The following PRKN variants were observed in gnomAD, a reference collection of about 807,000 sequenced individuals.
The protein encoded by PRKN is E3 ubiquitin-protein ligase parkin.
Under a neutral mutation model 59.5 loss-of-function variants are expected in PRKN, and 56 were observed. The observed-to-expected ratio is 0.94, with a 90% CI of 0.76 to 1.18. The LOEUF is 1.18. Among genes scored for constraint, PRKN ranks in the 50% most tolerant of loss-of-function variants. PRKN has a pLI of 0.00. For missense variants in PRKN, 657 were observed against 596.4 expected (o/e 1.10, Z -1.06); for synonymous variants, 250 against 222.1 (o/e 1.13, Z -1.12).
intron 2 of PRKN, among the ~76,000 whole-genome samples, chr6:162,374,630 T>C (rs959698961): frequency 1.3e-5 from 2 of 152,086 alleles, no homozygotes; most frequent in Non-Finnish European, 2.9e-5. Flanking sequence ...CTTTTAGCTA[T>C]TATTATTTTC....
chr6:162,562,139 T>G (rs945161413), intron 1 of PRKN, among the ~76,000 whole-genome samples: 4 of 152,096 alleles, frequency 2.6e-5, no homozygotes, highest in African/African-American at 9.7e-5. Flanking sequence ...GACTGAATTG[T>G]GAGGCCTCTG....
intron 4 of PRKN, among the ~76,000 whole-genome samples, chr6:162,128,442 T>A (rs1041139443): frequency 6.6e-6 from 1 of 152,076 alleles, no homozygotes; most frequent in African/African-American, 2.4e-5. Flanking sequence ...AACATCTAGA[T>A]CATAGTATGT....
At chr6:161,835,384 G>A (rs1015766752) in intron 6 of PRKN, among the ~76,000 whole-genome samples, 17 of 152,048 alleles carry the variant, frequency 1.1e-4, no homozygotes, top group Non-Finnish European at 1.8e-4. Context: ...CCTGGGAAAC[G>A]TGCTTACCCC....
intron 4 of PRKN, among the ~76,000 whole-genome samples, chr6:162,177,920 T>C (rs1053626078): frequency 6.6e-6 from 1 of 152,186 alleles, no homozygotes; most frequent in Non-Finnish European, 1.5e-5. Context: ...GTGTCCTTCA[T>C]TTCTCTTTGA....
chr6:162,532,040 G>A (rs36123943), intron 1 of PRKN, among the ~76,000 whole-genome samples: 66,427 of 151,610 alleles, frequency 0.44, 16,851 homozygotes, highest in Non-Finnish European at 0.58. Flanking sequence ...CTAAGGCAAC[G>A]ACAGGTTCTT....
rs1034666395 is a variant in PRKN at position 161,462,574 on chromosome 6, G to C, written c.1084-75697C>G. ...GAAATGACACCATGATGTCTGATCA[G>C]CAATATAGCTCACCCTTATTTTAAA... On this transcript the variant is annotated intron_variant, in intron 9 of 11. Coordinates refer to ENST00000366898, the MANE Select transcript of PRKN (RefSeq NM_004562.3). This position sits in a 1 kb window ranked among gnomAD's most constrained non-coding sequence, Gnocchi z 4.5. Among the ~76,000 whole-genome samples the C allele has an allele frequency of 6.6e-6, 1 of 152,088 alleles. No homozygotes were observed. Among genetic ancestry groups the C allele is most frequent in the Non-Finnish European group, 1.5e-5 (1 of 68,026 alleles).
intron 2 of PRKN, among the ~76,000 whole-genome samples, chr6:162,382,240 T>C (rs562097316): frequency 1.3e-5 from 2 of 150,828 alleles, no homozygotes; most frequent in Admixed American, 6.6e-5. Context: ...GCAAATAATA[T>C]TAATCTCACA....
chr6:161,641,752 A>C (rs931742076), intron 7 of PRKN, among the ~76,000 whole-genome samples: 18 of 152,204 alleles, frequency 1.2e-4, no homozygotes, highest in Non-Finnish European at 2.9e-5. Context: ...ATACTTTCAC[A>C]GCCCCAGGCA....
At chr6:161,662,729 C>A (rs1310559046) in intron 7 of PRKN, among the ~76,000 whole-genome samples, 1 of 151,986 alleles carries the variant, frequency 6.6e-6, no homozygotes, top group African/African-American at 2.4e-5. Context: ...TATCTGAAAC[C>A]CAAGGTTTCA....
At chr6:161,964,922 C>T (rs28689582) in intron 6 of PRKN, among the ~76,000 whole-genome samples, 2 of 152,058 alleles carry the variant, frequency 1.3e-5, no homozygotes, top group African/African-American at 2.4e-5. Flanking sequence ...CACAGTAATT[C>T]TAAGTCACAA....
At chr6:162,371,245 C>T (rs927491331) in intron 2 of PRKN, among the ~76,000 whole-genome samples, 2 of 152,094 alleles carry the variant, frequency 1.3e-5, no homozygotes, top group African/African-American at 4.8e-5. Context: ...CACTCTGGGC[C>T]CCGACCCAAA....
At chr6:161,365,042 AT>A (rs879753976) in intron 10 of PRKN, among the ~76,000 whole-genome samples, 28 of 152,254 alleles carry the variant, frequency 1.8e-4, no homozygotes, top group Non-Finnish European at 3.5e-4. Context: ...GGGTCCTTAG[AT>A]TTTTTTACAT....
At chr6:162,132,882 C>A (rs1227400874) in intron 4 of PRKN, among the ~76,000 whole-genome samples, 1 of 152,134 alleles carries the variant, frequency 6.6e-6, no homozygotes, top group Non-Finnish European at 1.5e-5. Context: ...GGAATGAACG[C>A]CTTCCAGGCA....
rs991055761 is a variant in PRKN at position 162,164,691 on chromosome 6, T to C, written c.534+36440A>G. ...TTATAATGAAGTATAGCAGAAAGGCTAGTGAGTTACAGAACAATATCAGAA... is the reference window on the plus strand; with the variant it reads ...TTATAATGAAGTATAGCAGAAAGGCCAGTGAGTTACAGAACAATATCAGAA... On this transcript the variant is annotated intron_variant, in intron 4 of 11. Coordinates refer to ENST00000366898, the MANE Select transcript of PRKN (RefSeq NM_004562.3). Among the ~76,000 whole-genome samples the C allele has an allele frequency of 4.0e-5, 6 of 149,042 alleles. 1 individual carries two copies. Among genetic ancestry groups the C allele is most frequent in the Admixed American group, 1.3e-4 (2 of 14,944 alleles).
rs190554582 is a variant in PRKN, at chr6:162,547,282, A to G, written c.8-103809T>C. Among the ~76,000 whole-genome samples the G allele has an allele frequency of 2.5e-3, 375 of 152,338 alleles. 6 individuals carry two copies. The highest frequency in any genetic ancestry group is 2.4e-4 in the Non-Finnish European group (16 of 68,040). On this transcript the variant is annotated intron_variant, in intron 1 of 11. Transcript: ENST00000366898. ...TAAATCCTCTCTTCGTTTATCATCT[A>G]TATGTCACATACGAAATTAGTTACA...
chr6:162,390,489 T>A (rs1411580652), intron 2 of PRKN, among the ~76,000 whole-genome samples: 7 of 151,298 alleles, frequency 4.6e-5, no homozygotes. Flanking sequence ...TCACCCAGTC[T>A]GGAGTGCACT....
intron 1 of PRKN, among the ~76,000 whole-genome samples, chr6:162,708,870 GCAGGAGGT>G (rs1778427860): frequency 2.0e-5 from 3 of 152,148 alleles, no homozygotes; most frequent in African/African-American, 7.2e-5. Flanking sequence ...GGGCCACACA[GCAGGAGGT>G]GAGTGGTGGG....
At chr6:162,306,545 C>G (rs548543186) in intron 2 of PRKN, among the ~76,000 whole-genome samples, 2 of 152,284 alleles carry the variant, frequency 1.3e-5, no homozygotes, top group African/African-American at 4.8e-5. Flanking sequence ...GAAGATTAAT[C>G]ATTTAATTTG....
intron 4 of PRKN, among the ~76,000 whole-genome samples, chr6:162,184,965 A>C (rs1444516081): frequency 6.6e-6 from 1 of 151,986 alleles, no homozygotes; most frequent in Non-Finnish European, 1.5e-5. Flanking sequence ...TCTTAAAATA[A>C]GGGTGGGGGG....
Sources: gnomAD v4.1 joint callset for allele counts (sites outside exome capture counted in the v4.1 genomes callset) on GRCh38, gnomAD v4.1.1 for gene constraint, Gnocchi (gnomAD v3.1) non-coding constraint, MANE v1.5 for transcripts, NCBI Gene and HGNC (gene_info 2026-07-23, HGNC 2026-07-21) for gene names.